Variants in SEC24A observed in about 807,000 individuals in gnomAD.
The protein encoded by SEC24A is SEC24 homolog A, COPII component.
SEC24A carries 93 observed loss-of-function variants against 129.4 expected under a neutral mutation model. The observed-to-expected ratio is 0.72, with a 90% CI of 0.61 to 0.85. The LOEUF (loss-of-function observed/expected upper bound fraction) is 0.85, where lower values mean the gene tolerates loss of function less well. Ranked by LOEUF, SEC24A falls within the 40% of genes least tolerant of loss-of-function variation. The probability of loss-of-function intolerance (pLI) is 0.00; values close to 1 mark genes in which losing one functional copy is unlikely to be tolerated. For synonymous variants in SEC24A, 460 were observed against 467.3 expected, an observed-to-expected ratio of 0.98 and a Z score of 0.20; for missense variants, 1,264 against 1,307.4, an observed-to-expected ratio of 0.97 and a Z score of 0.51.
chr5:134,708,705 T>A lies in SEC24A; in HGVS notation c.2552-8T>A. ...TTTCTTTTTTGTCCTTACCCTCACC[T>A]TGCTTAGCTGTTGACAGATCTATGA... On this transcript the variant is annotated splice_polypyrimidine_tract_variant and splice_region_variant and intron_variant, in intron 17 of 22. Coordinates refer to ENST00000398844, the MANE Select transcript of SEC24A (RefSeq NM_021982.3). 6.2e-7 allele frequency: 1 copy of A among 1,608,326 alleles called. No homozygotes were observed. Among genetic ancestry groups the A allele is most frequent in the Non-Finnish European group, 8.5e-7 (1 of 1,178,042 alleles).
chr5:134,670,683 C>T (rs1367362296), intron 3 of SEC24A, among the ~76,000 whole-genome samples: 1 of 152,112 alleles, frequency 6.6e-6, no homozygotes, highest in Non-Finnish European at 1.5e-5. Context: ...ATTCCACTCT[C>T]ATTGTTAGAT....
At position 134,697,095 on chromosome 5, in the gene SEC24A, A is replaced by T. The variant is rs772653087; in HGVS notation, c.1987-31A>T. 4.6e-5 allele frequency: 59 copies of T among 1,270,586 alleles called. No individual in the cohort carries two copies. In the East Asian group the frequency reaches 9.6e-4, roughly 21 times the overall value. The allele number at this position is 1,270,586 out of a possible 1,614,324, so 78.7% of individuals were successfully genotyped here. A position where few individuals can be genotyped will look rare whatever the true frequency, so the allele number is the denominator to read the frequency against. On this transcript the variant is annotated intron_variant, in intron 13 of 22. Coordinates refer to ENST00000398844, the MANE Select transcript of SEC24A (RefSeq NM_021982.3). Reference sequence around the variant, plus strand: ...TTTTATGACAATGTAATGATTTTTTAAAATGTCTCTTTATAATTTATTATA... The same window carrying T: ...TTTTATGACAATGTAATGATTTTTTTAAATGTCTCTTTATAATTTATTATA...
At chr5:134,675,866 T>TGA (rs1751041307) in intron 6 of SEC24A, among the ~76,000 whole-genome samples, 157 bp from the exon 7 acceptor site, 1 of 152,242 alleles carries the variant, frequency 6.6e-6, no homozygotes, top group African/African-American at 2.4e-5. Context: ...GGACTTAGAT[T>TGA]TAAATATTTA....
In SEC24A at chr5:134,674,720, C is replaced by T. The variant is rs376916049; in HGVS notation, c.923C>T (p.Thr308Ile). 6.2e-7 allele frequency: 1 copy of T among 1,614,086 alleles called. No homozygotes were observed. The highest frequency in any genetic ancestry group is 1.1e-5 in the South Asian group (1 of 91,074). ...GYQNTTPPGA[T>I]GVPPSSLNYP... ...CAGAACACAACACCACCTGGTGCAA[C>T]TGGAGTACCACCCTCTTCCTTGAAT... The change falls in exon 5 of 23, where the codon ACT becomes ATT. Residue 308 changes from threonine (T) to isoleucine (I), a missense_variant. By Grantham distance (89) the Thr-to-Ile change is moderately conservative. Coordinates refer to ENST00000398844, the MANE Select transcript of SEC24A (RefSeq NM_021982.3).
intron 7 of SEC24A, among the ~76,000 whole-genome samples, chr5:134,676,373 C>T (rs577899780): frequency 9.3e-5 from 14 of 149,850 alleles, no homozygotes; most frequent in Non-Finnish European, 1.5e-4. Flanking sequence ...CTCCTGACCT[C>T]GTGATCCACC....
At chr5:134,679,752 T>C (rs763556437) in intron 8 of SEC24A, 24 bp downstream of exon 8, 45 of 1,537,430 alleles carry the variant, frequency 2.9e-5, no homozygotes, top group Non-Finnish European at 4.0e-5. Flanking sequence ...TTTTGAAACA[T>C]TTAAACGTTT....
In SEC24A at chr5:134,679,738, G is replaced by A. The variant is rs759444877; in HGVS notation, c.1381+10G>A. 18 of 1,551,398 alleles carry A rather than the reference G, an allele frequency of 1.2e-5. No homozygotes were observed. The highest frequency in any genetic ancestry group is 2.7e-5 in the African/African-American group (2 of 73,206). ...TATCGAGTCAATGATGGTATGGGAT[G>A]CTTTTTTGAAACATTTAAACGTTTC... On this transcript the variant is annotated intron_variant, in intron 8 of 22. Transcript: ENST00000398844.
At chr5:134,659,852 T>C (rs556238384) in intron 1 of SEC24A, among the ~76,000 whole-genome samples, 4 of 152,100 alleles carry the variant, frequency 2.6e-5, no homozygotes, top group African/African-American at 9.6e-5. Flanking sequence ...GAGGTCTTAC[T>C]ATTATGTCCA....
intron 20 of SEC24A, among the ~76,000 whole-genome samples, chr5:134,718,378 G>C (rs778849370): frequency 6.6e-6 from 1 of 152,108 alleles, no homozygotes; most frequent in Non-Finnish European, 1.5e-5. Flanking sequence ...TGAAGAATTC[G>C]TATCATTTAG....
intron 10 of SEC24A, among the ~76,000 whole-genome samples, chr5:134,687,717 AAC>A (rs1237483824): frequency 2.0e-5 from 3 of 152,216 alleles, no homozygotes; most frequent in East Asian, 3.8e-4. Context: ...AAGAGTGAAA[AAC>A]AGTTTGTTCT....
intron 2 of SEC24A, among the ~76,000 whole-genome samples, chr5:134,664,408 A>G (rs1483448032): frequency 6.6e-6 from 1 of 152,054 alleles, no homozygotes; most frequent in Non-Finnish European, 1.5e-5. Flanking sequence ...GAGAGGGCAG[A>G]CTCTGAAACT....
chr5:134,719,883 G>A (rs1276149681), intron 20 of SEC24A, among the ~76,000 whole-genome samples: 1 of 152,150 alleles, frequency 6.6e-6, no homozygotes, highest in East Asian at 1.9e-4. Context: ...TACTTGGGAG[G>A]CTGAGGCAGG....
chr5:134,706,180 C>G (rs954125724), intron 17 of SEC24A, among the ~76,000 whole-genome samples: 1 of 152,154 alleles, frequency 6.6e-6, no homozygotes, highest in Non-Finnish European at 1.5e-5. Flanking sequence ...AGCCACCGTG[C>G]CTGGCCAACT....
intron 20 of SEC24A, among the ~76,000 whole-genome samples, chr5:134,719,679 C>A (rs1580743418): frequency 6.8e-6 from 1 of 146,306 alleles, no homozygotes; most frequent in African/African-American, 2.5e-5. Flanking sequence ...CAGAACAAGG[C>A]CCTGTCTCAA....
At chr5:134,717,541 T>A (rs1752512712) in intron 19 of SEC24A, among the ~76,000 whole-genome samples, 1 of 151,896 alleles carries the variant, frequency 6.6e-6, no homozygotes, top group African/African-American at 2.4e-5. Context: ...GGAAACAAGA[T>A]CAGAAGTTAA....
intron 12 of SEC24A, chr5:134,693,087 G>A (rs1247482408): frequency 9.8e-6 from 15 of 1,535,828 alleles, no homozygotes; most frequent in Middle Eastern, 3.3e-4. Context: ...AAATTGCCAT[G>A]AGATAATACA....
intron 10 of SEC24A, among the ~76,000 whole-genome samples, chr5:134,687,253 GACTA>G (rs1751485543): frequency 6.6e-6 from 1 of 152,212 alleles, no homozygotes; most frequent in East Asian, 1.9e-4. Context: ...CGTACTTCAA[GACTA>G]ACTTTTATAC....
chr5:134,652,772 T>A (rs1750105420), intron 1 of SEC24A, among the ~76,000 whole-genome samples: 1 of 151,794 alleles, frequency 6.6e-6, no homozygotes, highest in Non-Finnish European at 1.5e-5. Context: ...GATTTTGTAT[T>A]TTGTTTGTTT....
At chr5:134,723,232 G>A (rs536236167) in intron 21 of SEC24A, among the ~76,000 whole-genome samples, 3 of 152,258 alleles carry the variant, frequency 2.0e-5, no homozygotes, top group East Asian at 1.9e-4. Context: ...TCGGGAGGCC[G>A]AGGCAGGTGT....
Sources: allele counts gnomAD v4.1 joint callset (sites outside exome capture counted in the v4.1 genomes callset), GRCh38; gene constraint gnomAD v4.1.1; transcripts MANE v1.5; gene names NCBI Gene and HGNC (gene_info 2026-07-23, HGNC 2026-07-21).